Variants in ITGB1 observed in about 807,000 individuals in gnomAD.
ITGB1 encodes integrin subunit beta 1, also known as integrin beta-1.
ITGB1 carries 24 observed loss-of-function variants against 86.5 expected under a neutral mutation model. The ratio of observed to expected loss-of-function variants is 0.28; its 90% CI spans 0.20 to 0.39. The LOEUF (loss-of-function observed/expected upper bound fraction) is 0.39. ITGB1 is among the 10% of genes least tolerant of loss of function. The probability of loss-of-function intolerance (pLI) is 1.00; values close to 1 mark genes in which losing one functional copy is unlikely to be tolerated. For synonymous variants in ITGB1, 323 were observed against 316.8 expected, an observed-to-expected ratio of 1.02 and a Z score of -0.21; for missense variants, 556 against 946.9, an observed-to-expected ratio of 0.59 and a Z score of 5.42.
chr10:32,921,821 C>A lies in ITGB1; in HGVS notation c.1128+436G>T, dbSNP rs188895684. On this transcript the variant is annotated intron_variant, in intron 9 of 15. Transcript: ENST00000302278. The stretch of plus-strand genomic sequence containing the variant: ...GAGTGTGTACCTCCTGAAATAGAAA[C>A]CCATATCCTCTGAATATATGGGAAG... Among the ~76,000 whole-genome samples, 3 of 151,996 alleles carry A rather than the reference C, an allele frequency of 2.0e-5. No individual in the cohort carries two copies. In the East Asian group the frequency reaches 5.8e-4, roughly 29 times the overall value.
At chr10:32,906,459 A>G (rs935305816) in intron 15 of ITGB1, 4 of 223,340 alleles carry the variant, frequency 1.8e-5, no homozygotes, top group Non-Finnish European at 3.7e-5. Flanking sequence ...GCATGGTGGC[A>G]GGCACCTGTA....
At chr10:32,913,741 T>A (rs1443457895) in intron 11 of ITGB1, among the ~76,000 whole-genome samples, 5 of 152,194 alleles carry the variant, frequency 3.3e-5, no homozygotes, top group Admixed American at 6.5e-5. Flanking sequence ...GAAAACATTT[T>A]TCAGGATATT....
chr10:32,914,227 C>A (rs1014406955), intron 11 of ITGB1, among the ~76,000 whole-genome samples: 15 of 152,144 alleles, frequency 9.9e-5, no homozygotes, highest in African/African-American at 3.6e-4. Flanking sequence ...ATTGTAAAGA[C>A]CATCGATGCT....
At chr10:32,933,239 AAAGAC>A in intron 2 of ITGB1, 1 of 152,270 alleles carries the variant, frequency 6.6e-6, no homozygotes, top group Admixed American at 6.5e-5. Context: ...CTTCTGTATC[AAAGAC>A]AAGACATAAT....
intron 15 of ITGB1, among the ~76,000 whole-genome samples, chr10:32,905,639 C>T (rs1003000027): frequency 6.6e-6 from 1 of 152,180 alleles, no homozygotes; most frequent in African/African-American, 2.4e-5. Context: ...ACTAACCAGC[C>T]GTGGGAACTC....
chr10:32,909,906 C>G (rs886748684), intron 14 of ITGB1, among the ~76,000 whole-genome samples: 1 of 152,094 alleles, frequency 6.6e-6, no homozygotes, highest in African/African-American at 2.4e-5. Flanking sequence ...TTAAAATCAT[C>G]AATCATCAAA....
chr10:32,937,502 GC>G (rs1232095317), intron 1 of ITGB1, among the ~76,000 whole-genome samples: 1 of 141,276 alleles, frequency 7.1e-6, no homozygotes, highest in Non-Finnish European at 1.5e-5. Flanking sequence ...GTTGCAGTGA[GC>G]CAAGATCGCG....
At chr10:32,935,418 A>G in intron 2 of ITGB1, 74 bp downstream of exon 2, 5 of 891,392 alleles carry the variant, frequency 5.6e-6, no homozygotes, top group East Asian at 2.4e-5. Flanking sequence ...AGGTTCTCAT[A>G]TGAACCTAAC....
intron 11 of ITGB1, among the ~76,000 whole-genome samples, chr10:32,912,565 C>A (rs919057019): frequency 6.6e-6 from 1 of 152,222 alleles, no homozygotes. Flanking sequence ...TCGCTCACTG[C>A]TAGCACAGCA....
At chr10:32,939,810 G>A (rs187922735) in intron 1 of ITGB1, among the ~76,000 whole-genome samples, 8 of 152,130 alleles carry the variant, frequency 5.3e-5, no homozygotes, top group East Asian at 1.9e-4. Context: ...CACTGAACAG[G>A]ACATTACTGA....
Position 32,922,448 on chromosome 10 carries a change from C to T in ITGB1, c.1039-102G>A, listed in dbSNP as rs1593866508. 25 of 856,608 alleles carry T rather than the reference C, an allele frequency of 2.9e-5. 2 individuals carry two copies. The South Asian group carries it at 3.6e-4, about 12-fold the overall frequency. The allele number at this position is 856,608 out of a possible 1,614,324, so 53.1% of individuals were successfully genotyped here. A position where few individuals can be genotyped will look rare whatever the true frequency, so the allele number is the denominator to read the frequency against. The stretch of plus-strand genomic sequence containing the variant: ...TCTTTAAATGCCAGTTCCCATGTTT[C>T]CTCCTAACTAACTTTAGGAGTCAAA... On this transcript the variant is annotated intron_variant, in intron 8 of 15. Coordinates refer to ENST00000302278, the MANE Select transcript of ITGB1 (RefSeq NM_002211.4).
At chr10:32,912,147 C>A in intron 11 of ITGB1, 23 bp from the exon 12 acceptor site, 3 of 1,589,696 alleles carry the variant, frequency 1.9e-6, no homozygotes, top group Non-Finnish European at 2.6e-6. Context: ...GCCAAAATTG[C>A]AATCACACAA....
chr10:32,916,922 C>A lies in ITGB1; in HGVS notation c.1469+2963G>T, dbSNP rs550471869. Among the ~76,000 whole-genome samples the A allele has an allele frequency of 2.0e-3, 299 of 152,180 alleles. 3 individuals carry two copies. Among genetic ancestry groups the A allele is most frequent in the African/African-American group, 6.8e-3 (284 of 41,516 alleles). On this transcript the variant is annotated intron_variant, in intron 11 of 15. Transcript: ENST00000302278. ...CAAAAGAACAAAGCTGGAGGCATCACGCTACCTGACTTCAAACTATACTAC... is the reference window on the plus strand; with the variant it reads ...CAAAAGAACAAAGCTGGAGGCATCAAGCTACCTGACTTCAAACTATACTAC...
rs370703739 is a variant in ITGB1 at position 32,922,746 on chromosome 10, A to G, written c.943-11T>C. 10 of 1,453,666 alleles carry G rather than the reference A, an allele frequency of 6.9e-6. No individual in the cohort carries two copies. Among genetic ancestry groups the G allele is most frequent in the Non-Finnish European group, 7.7e-6 (8 of 1,043,296 alleles). The allele number at this position is 1,453,666 out of a possible 1,614,324, so 90.0% of individuals were successfully genotyped here. A position where few individuals can be genotyped will look rare whatever the true frequency, so the allele number is the denominator to read the frequency against. ...AATAGAAGGATAATCCTAAGAAATCAAGTAATATAATTTAGTATTTAAATA... is the reference window on the plus strand; with the variant it reads ...AATAGAAGGATAATCCTAAGAAATCGAGTAATATAATTTAGTATTTAAATA... On this transcript the variant is annotated splice_polypyrimidine_tract_variant and intron_variant, in intron 7 of 15. Transcript: ENST00000302278.
At chr10:32,905,066 A>G (rs1034170684) in intron 15 of ITGB1, among the ~76,000 whole-genome samples, 1 of 151,356 alleles carries the variant, frequency 6.6e-6, no homozygotes, top group African/African-American at 2.4e-5. Context: ...AAGCCTGGCA[A>G]TGTCATTGGC....
chr10:32,922,837 AC>A lies in ITGB1; in HGVS notation c.943-103del, dbSNP rs2094954326. 10 of 636,640 alleles carry A rather than the reference AC, an allele frequency of 1.6e-5. No homozygotes were observed. In the East Asian group the frequency reaches 2.9e-4, roughly 19 times the overall value. The allele number at this position is 636,640 out of a possible 1,614,324, so 39.4% of individuals were successfully genotyped here. ...ATGCAAGATTACACATAACTCGATT[AC>A]AAGACTGCTTTAGATAACTAGATTA... On this transcript the variant is annotated intron_variant, in intron 7 of 15. Coordinates refer to ENST00000302278, the MANE Select transcript of ITGB1 (RefSeq NM_002211.4).
rs1229689266 is a variant in ITGB1 at position 32,908,464 on chromosome 10, A to G, written c.2235T>C (p.Leu745=). Residue 745 remains leucine, a synonymous_variant, in exon 15 of 16, where the codon CTT becomes CTC. Coordinates refer to ENST00000302278, the MANE Select transcript of ITGB1 (RefSeq NM_002211.4). ...AAAGCTTCCATATCAGCAGTAATGC[A>G]AGGCCAATAAGAACAATTCCAGCAA... The part of the protein sequence containing the change: ...GVVAGIVLIG[L]ALLLIWKLLM... 1 of 1,610,884 alleles carries G rather than the reference A, an allele frequency of 6.2e-7. No individual in the cohort carries two copies. Among genetic ancestry groups the G allele is most frequent in the Admixed American group, 1.7e-5 (1 of 60,012 alleles).
chr10:32,957,270 GAATTT>G (rs2095054257), intron 1 of ITGB1, among the ~76,000 whole-genome samples: 1 of 152,166 alleles, frequency 6.6e-6, no homozygotes, highest in Non-Finnish European at 1.5e-5. Context: ...TCAAAAGCAC[GAATTT>G]GATTAAATAA....
intron 15 of ITGB1, chr10:32,907,151 A>T (rs752957677): frequency 5.0e-6 from 6 of 1,202,060 alleles, no homozygotes; most frequent in Non-Finnish European, 6.9e-6. Flanking sequence ...TTGCTAAAGT[A>T]AAAGAAATAG....
Sources: allele counts gnomAD v4.1 joint callset (sites outside exome capture counted in the v4.1 genomes callset), GRCh38; gene constraint gnomAD v4.1.1; transcripts MANE v1.5; gene names NCBI Gene and HGNC (gene_info 2026-07-23, HGNC 2026-07-21).